Variants in ASCC3 observed in about 807,000 individuals in gnomAD.
ASCC3 encodes the protein ASC-1 complex subunit P200.
Under a neutral mutation model 256.3 loss-of-function variants are expected in ASCC3, and 158 were observed. The observed-to-expected ratio is 0.62, with a 90% confidence interval of 0.54 to 0.70. The LOEUF (loss-of-function observed/expected upper bound fraction) is 0.70, where lower values mean the gene tolerates loss of function less well. Among genes scored for constraint, ASCC3 ranks in the 30% least tolerant of loss-of-function variants. ASCC3 has a pLI of 0.00. For missense variants in ASCC3, 2,259 were observed against 2,626.0 expected (o/e 0.86, Z 3.05); for synonymous variants, 948 against 883.4 (o/e 1.07, Z -1.30).
chr6:100,766,469 T>C (rs1781660160), intron 10 of ASCC3, 96 bp downstream of exon 10: 2 of 1,227,638 alleles, frequency 1.6e-6, no homozygotes, highest in South Asian at 1.3e-5. Context: ...GTTTGTATTA[T>C]GTATTCTAGT....
rs565867466 is a variant in ASCC3 at position 100,582,991 on chromosome 6, G to C, written c.5550+6643C>G. 3.3e-5 allele frequency among the ~76,000 whole-genome samples: 5 copies of C among 152,296 alleles called. No individual in the cohort carries two copies. The South Asian group carries it at 1.0e-3, about 32-fold the overall frequency. On this transcript the variant is annotated intron_variant, in intron 36 of 41. Transcript: ENST00000369162. ...ATGTGCTGCTGGATTCAGTGTGCCAGTATTTTATTGAGGATTTTTGCATCA... is the reference window on the plus strand; with the variant it reads ...ATGTGCTGCTGGATTCAGTGTGCCACTATTTTATTGAGGATTTTTGCATCA...
At chr6:100,852,212 A>G (rs918767649) in intron 3 of ASCC3, among the ~76,000 whole-genome samples, 6 of 152,208 alleles carry the variant, frequency 3.9e-5, no homozygotes, top group Non-Finnish European at 5.9e-5. Flanking sequence ...AAAACGATGC[A>G]GTCAGTTGTC....
chr6:100,736,896 C>T (rs1458999775), intron 10 of ASCC3, among the ~76,000 whole-genome samples: 1 of 152,086 alleles, frequency 6.6e-6, no homozygotes, highest in East Asian at 1.9e-4. Context: ...ACCTGTAATC[C>T]TAGGACTTTG....
chr6:100,663,462 G>A (rs1472971741), intron 14 of ASCC3, among the ~76,000 whole-genome samples: 3 of 151,992 alleles, frequency 2.0e-5, no homozygotes, highest in Admixed American at 2.0e-4. Context: ...TCACCCATTA[G>A]TCACTTAGTA....
chr6:100,627,723 T>C lies in ASCC3; in HGVS notation c.4522-13A>G. 3 of 1,613,250 alleles carry C rather than the reference T, an allele frequency of 1.9e-6. No individual in the cohort carries two copies. The highest frequency in any genetic ancestry group is 1.1e-5 in the South Asian group (1 of 91,034). ...TAAACAAGCCCATCTAGAGTAAATA[T>C]GAGAGAGAAACCATTTTCAATTTTT... On this transcript the variant is annotated splice_polypyrimidine_tract_variant and intron_variant, in intron 28 of 41. Transcript: ENST00000369162.
At chr6:100,780,350 G>A (rs971571590) in intron 8 of ASCC3, among the ~76,000 whole-genome samples, 8 of 152,224 alleles carry the variant, frequency 5.3e-5, no homozygotes, top group African/African-American at 1.4e-4. Flanking sequence ...TCCTAACACA[G>A]CAGATTACAT....
chr6:100,643,038 C>T (rs991683223), intron 23 of ASCC3, among the ~76,000 whole-genome samples: 14 of 152,098 alleles, frequency 9.2e-5, no homozygotes, highest in Non-Finnish European at 8.8e-5. Context: ...AAACATCATT[C>T]ATTCAATTAC....
intron 16 of ASCC3, among the ~76,000 whole-genome samples, chr6:100,660,566 GA>G (rs890298156): frequency 9.9e-5 from 15 of 151,668 alleles, no homozygotes; most frequent in African/African-American, 3.6e-4. Context: ...TTTGCTAATA[GA>G]AAATGAGGCC....
At chr6:100,542,715 A>C (rs531967270) in intron 36 of ASCC3, among the ~76,000 whole-genome samples, 1 of 152,040 alleles carries the variant, frequency 6.6e-6, no homozygotes, top group African/African-American at 2.4e-5. Flanking sequence ...AAAGAAAAAC[A>C]ACTGTCAATC....
intron 36 of ASCC3, among the ~76,000 whole-genome samples, chr6:100,571,624 T>C (rs1274024669): frequency 6.6e-6 from 1 of 152,232 alleles, no homozygotes. Context: ...TTCACGTATA[T>C]AAACTAATGC....
chr6:100,620,873 AT>A lies in ASCC3; in HGVS notation c.4785+4318del, dbSNP rs546586634. Among the ~76,000 whole-genome samples the A allele has an allele frequency of 2.1e-3, 313 of 152,318 alleles. 1 individual carries two copies. Among genetic ancestry groups the A allele is most frequent in the African/African-American group, 7.1e-3 (295 of 41,582 alleles). ...ATGTTAAAAAGTTTTCCTATTAATT[AT>A]TTAGGGCTAATTATTTAAGGGTTCA... On this transcript the variant is annotated intron_variant, in intron 30 of 41. Coordinates refer to ENST00000369162, the MANE Select transcript of ASCC3 (RefSeq NM_006828.4).
intron 36 of ASCC3, among the ~76,000 whole-genome samples, chr6:100,575,653 C>T (rs1582476117): frequency 1.3e-5 from 2 of 151,770 alleles, no homozygotes; most frequent in Non-Finnish European, 2.9e-5. Context: ...TTTTAATATT[C>T]GATATATAAA....
chr6:100,690,164 T>A (rs1219063924), intron 13 of ASCC3, among the ~76,000 whole-genome samples: 1 of 152,188 alleles, frequency 6.6e-6, no homozygotes, highest in Non-Finnish European at 1.5e-5. Flanking sequence ...CCTATGCACA[T>A]CCTTCTGTAT....
intron 4 of ASCC3, among the ~76,000 whole-genome samples, chr6:100,837,564 A>G: frequency 6.6e-6 from 1 of 152,168 alleles, no homozygotes; most frequent in African/African-American, 2.4e-5. Flanking sequence ...AAGGAATGGA[A>G]TCCTGTCTCT....
At chr6:100,518,216 A>G (rs1234926682) in intron 37 of ASCC3, 74 bp from the exon 38 acceptor site, 1 of 1,524,200 alleles carries the variant, frequency 6.6e-7, no homozygotes, top group East Asian at 2.3e-5. Context: ...TTCTGATGTT[A>G]GCTTTAACAA....
chr6:100,558,229 T>C (rs906482457), intron 36 of ASCC3, among the ~76,000 whole-genome samples: 3 of 152,102 alleles, frequency 2.0e-5, no homozygotes, highest in African/African-American at 7.2e-5. Context: ...AAATTGATGA[T>C]GTCCTGATAT....
intron 22 of ASCC3, among the ~76,000 whole-genome samples, chr6:100,646,187 G>A (rs954822889): frequency 1.3e-5 from 2 of 152,172 alleles, no homozygotes; most frequent in South Asian, 4.1e-4. Context: ...CCACTAAACT[G>A]TTGTTCATTG....
intron 4 of ASCC3, among the ~76,000 whole-genome samples, chr6:100,806,376 A>T (rs889694510): frequency 1.3e-5 from 2 of 152,010 alleles, no homozygotes; most frequent in African/African-American, 4.8e-5. Flanking sequence ...AATCTAAAAC[A>T]AAGTGCTGCA....
intron 16 of ASCC3, 98 bp from the exon 17 acceptor site, chr6:100,655,916 T>C (rs915093220): frequency 1.5e-6 from 2 of 1,364,258 alleles, no homozygotes; most frequent in Non-Finnish European, 2.1e-6. Flanking sequence ...TAAAAATACA[T>C]CATTATGCAG....
Sources: gnomAD v4.1 joint callset for allele counts (sites outside exome capture counted in the v4.1 genomes callset) on GRCh38, gnomAD v4.1.1 for gene constraint, MANE v1.5 for transcripts, NCBI Gene and HGNC (gene_info 2026-07-23, HGNC 2026-07-21) for gene names.